ANXA8: variants seen among roughly 807,000 people sequenced by gnomAD.
ANXA8 encodes annexin A8.
Under a neutral mutation model 26.8 loss-of-function variants are expected in ANXA8, and 9 were observed. That is an observed-to-expected ratio of 0.34 (90% CI 0.20 to 0.59). The LOEUF (loss-of-function observed/expected upper bound fraction) is 0.59, where lower values mean the gene tolerates loss of function less well. Among genes scored for constraint, ANXA8 ranks in the 20% least tolerant of loss-of-function variants. The probability of loss-of-function intolerance (pLI) is 0.84; values close to 1 mark genes in which losing one functional copy is unlikely to be tolerated. For missense variants in ANXA8, 83 were observed against 238.5 expected, an observed-to-expected ratio of 0.35 and a Z score of 4.29; for synonymous variants, 39 against 94.8, an observed-to-expected ratio of 0.41 and a Z score of 3.42.
At chr10:47,701,841 T>C in the ANXA8 span, among the ~76,000 whole-genome samples, 1 of 151,784 alleles carries the variant, frequency 6.6e-6, no homozygotes. Flanking sequence ...ATGAACCCAA[T>C]ATTGTTACAA....
the ANXA8 span, among the ~76,000 whole-genome samples, chr10:47,743,301 T>TATATATACATATATATATATAC: frequency 4.8e-5 from 2 of 41,364 alleles, no homozygotes; most frequent in Admixed American, 3.5e-4. Context: ...TATACACATA[T>TATATATACATATATATATATAC]ATATATATAT....
At chr10:47,647,295 TTTTG>T in the ANXA8 span, among the ~76,000 whole-genome samples, 2 of 151,906 alleles carry the variant, frequency 1.3e-5, no homozygotes, top group African/African-American at 2.4e-5. Context: ...TTATACTTTT[TTTTG>T]TTTATTTATA....
At chr10:47,631,645 T>C in the ANXA8 span, among the ~76,000 whole-genome samples, 3 of 150,372 alleles carry the variant, frequency 2.0e-5, no homozygotes, top group Non-Finnish European at 4.4e-5. Flanking sequence ...CACAAAATGG[T>C]AAATGCAACT....
chr10:47,483,175 C>G (rs1839899310), intron 1 of ANXA8, among the ~76,000 whole-genome samples: 1 of 151,324 alleles, frequency 6.6e-6, no homozygotes, highest in Non-Finnish European at 1.5e-5. Context: ...TGCCCTGAGC[C>G]CCGGGTTCCT....
the ANXA8 span, among the ~76,000 whole-genome samples, chr10:47,951,055 C>T: frequency 1.3e-5 from 2 of 150,188 alleles, no homozygotes; most frequent in African/African-American, 4.9e-5. Context: ...AATTGATAAA[C>T]TCCTAATAAA....
the ANXA8 span, among the ~76,000 whole-genome samples, chr10:47,510,006 C>T: frequency 4.2e-5 from 6 of 142,270 alleles, no homozygotes; most frequent in African/African-American, 7.7e-5. Flanking sequence ...CCTTCCACCA[C>T]GACGTCTAAG....
At chr10:47,941,894 C>A in the ANXA8 span, among the ~76,000 whole-genome samples, 12 of 147,848 alleles carry the variant, frequency 8.1e-5, no homozygotes, top group East Asian at 2.5e-3. Flanking sequence ...TGTAAGATTT[C>A]TGTACAAAAT....
the ANXA8 span, among the ~76,000 whole-genome samples, chr10:47,639,311 A>ATTTTT: frequency 2.0e-4 from 12 of 59,538 alleles, no homozygotes; most frequent in African/African-American, 3.0e-4. Flanking sequence ...TATTATTATT[A>ATTTTT]TTATTTTTTT....
chr10:47,628,602 G>A, the ANXA8 span, among the ~76,000 whole-genome samples: 63 of 150,154 alleles, frequency 4.2e-4, 1 homozygote, highest in African/African-American at 1.0e-3. Flanking sequence ...CTCTGGTACC[G>A]AAAATATATA....
the ANXA8 span, among the ~76,000 whole-genome samples, chr10:47,562,146 T>C: frequency 6.6e-6 from 1 of 151,892 alleles, no homozygotes. Flanking sequence ...TATGTTCAGC[T>C]TAGAATATGC....
chr10:47,650,331 G>A, the ANXA8 span, among the ~76,000 whole-genome samples: 1 of 145,936 alleles, frequency 6.9e-6, no homozygotes, highest in Non-Finnish European at 1.5e-5. Flanking sequence ...ACAGGTGTGA[G>A]CCACTGCACC....
At chr10:47,941,089 G>T in the ANXA8 span, among the ~76,000 whole-genome samples, 1 of 144,868 alleles carries the variant, frequency 6.9e-6, no homozygotes, top group Non-Finnish European at 1.5e-5. Flanking sequence ...ATTGACCCAG[G>T]GATCTATAAC....
At chr10:47,576,753 C>G in the ANXA8 span, among the ~76,000 whole-genome samples, 10 of 150,512 alleles carry the variant, frequency 6.6e-5, 1 homozygote, top group African/African-American at 2.5e-4. Context: ...CTCCCAGGCT[C>G]AAACAATCCT....
chr10:47,743,860 G>A, the ANXA8 span, among the ~76,000 whole-genome samples: 1 of 144,878 alleles, frequency 6.9e-6, no homozygotes. Context: ...TGCAGGCTCC[G>A]TCCCCACAGT....
At chr10:47,619,000 T>G in the ANXA8 span, among the ~76,000 whole-genome samples, 303 of 114,304 alleles carry the variant, frequency 2.7e-3, 44 homozygotes, top group African/African-American at 9.5e-3. Flanking sequence ...GTTTTAGTCT[T>G]CCTGGAAACA....
At chr10:47,704,849 TGAA>T in the ANXA8 span, among the ~76,000 whole-genome samples, 1 of 152,006 alleles carries the variant, frequency 6.6e-6, no homozygotes, top group Non-Finnish European at 1.5e-5. Context: ...AATTTTTAAA[TGAA>T]GAAAAACTAA....
chr10:47,743,283 C>CACAT, the ANXA8 span, among the ~76,000 whole-genome samples: 1 of 81,988 alleles, frequency 1.2e-5, no homozygotes, highest in African/African-American at 4.3e-5. Context: ...TATATACACA[C>CACAT]ATATATATAT....
chr10:47,707,203 A>C, the ANXA8 span, among the ~76,000 whole-genome samples: 2 of 143,290 alleles, frequency 1.4e-5, no homozygotes, highest in South Asian at 4.4e-4. Flanking sequence ...AGAGTAAACC[A>C]ATTTGGTTAC....
the ANXA8 span, among the ~76,000 whole-genome samples, chr10:47,556,896 A>G: frequency 2.0e-5 from 3 of 149,798 alleles, no homozygotes; most frequent in Non-Finnish European, 4.4e-5. Flanking sequence ...GGTTAAAATA[A>G]AAGATTTAGA....
Sources: gnomAD v4.1 joint callset for allele counts (sites outside exome capture counted in the v4.1 genomes callset) on GRCh38, gnomAD v4.1.1 for gene constraint, MANE v1.5 for transcripts, NCBI Gene and HGNC (gene_info 2026-07-23, HGNC 2026-07-21) for gene names.